PSD3: variants seen among roughly 807,000 people sequenced by gnomAD.
PSD3 encodes the protein pleckstrin and Sec7 domain containing 3.
PSD3 carries 49 observed loss-of-function variants against 105.5 expected under a neutral mutation model. The ratio of observed to expected loss-of-function variants is 0.46; its 90% confidence interval spans 0.37 to 0.59. The LOEUF is 0.59. Ranked by LOEUF, PSD3 falls within the 20% of genes least tolerant of loss-of-function variation. The pLI is 0.00. For synonymous variants in PSD3, 557 were observed against 457.8 expected, an observed-to-expected ratio of 1.22 and a Z score of -2.77; for missense variants, 1,561 against 1,263.8, an observed-to-expected ratio of 1.24 and a Z score of -3.57.
chr8:18,801,126 G>A (rs529021595), intron 7 of PSD3, 144 bp downstream of exon 7: 3 of 513,090 alleles, frequency 5.8e-6, no homozygotes, highest in Non-Finnish European at 1.0e-5. Flanking sequence ...ATATTAAATA[G>A]ACTAGAATGA....
At chr8:18,585,443 G>C (rs1327563797) in intron 12 of PSD3, among the ~76,000 whole-genome samples, 6 of 152,090 alleles carry the variant, frequency 3.9e-5, no homozygotes, top group Non-Finnish European at 8.8e-5. Context: ...TCAGCGTCCT[G>C]AGTAGCTAGG....
intron 9 of PSD3, among the ~76,000 whole-genome samples, chr8:18,715,903 A>C (rs990507514): frequency 2.0e-5 from 3 of 152,250 alleles, no homozygotes; most frequent in Admixed American, 1.3e-4. Flanking sequence ...CACAGCAGTA[A>C]AAATGCAAAG....
At chr8:18,686,309 T>A (rs1216796405) in intron 9 of PSD3, among the ~76,000 whole-genome samples, 1 of 152,198 alleles carries the variant, frequency 6.6e-6, no homozygotes, top group Non-Finnish European at 1.5e-5. Context: ...CAATCCCCAC[T>A]TTCCTGATGA....
At chr8:18,539,111 C>T (rs1563301378) in intron 15 of PSD3, among the ~76,000 whole-genome samples, 1 of 152,184 alleles carries the variant, frequency 6.6e-6, no homozygotes, top group South Asian at 2.1e-4. Context: ...CCAAATATAC[C>T]TCTTCAAAAC....
chr8:18,993,134 A>T (rs537112031), intron 1 of PSD3, among the ~76,000 whole-genome samples: 6 of 152,190 alleles, frequency 3.9e-5, no homozygotes, highest in Non-Finnish European at 8.8e-5. Flanking sequence ...AAAATCTTGT[A>T]AATGTCTTTT....
At chr8:18,665,324 T>C (rs1489972746) in intron 9 of PSD3, among the ~76,000 whole-genome samples, 1 of 152,200 alleles carries the variant, frequency 6.6e-6, no homozygotes, top group Non-Finnish European at 1.5e-5. Flanking sequence ...CCTCATGGAA[T>C]GACTTTGGGG....
Position 18,528,420 on chromosome 8 carries a change from C to T in PSD3, c.*7323G>A, listed in dbSNP as rs1436211944. ...TTCACTCAGAGAATCTTTGTCATGACGTTTGTTCATGTGCCACGCTCAGTG... is the reference window on the plus strand; with the variant it reads ...TTCACTCAGAGAATCTTTGTCATGATGTTTGTTCATGTGCCACGCTCAGTG... On this transcript the variant is annotated 3_prime_UTR_variant, in exon 16 of 16. Coordinates refer to ENST00000327040, the MANE Select transcript of PSD3 (RefSeq NM_015310.4). 2.6e-5 allele frequency: 4 copies of T among 152,166 alleles called. No individual in the cohort carries two copies. Among genetic ancestry groups the T allele is most frequent in the South Asian group, 2.1e-4 (1 of 4,836 alleles). The allele number at this position is 152,166 out of a possible 1,614,324, so 9.4% of individuals were successfully genotyped here. A position where few individuals can be genotyped will look rare whatever the true frequency, so the allele number is the denominator to read the frequency against.
chr8:18,666,563 A>T (rs939567076), intron 9 of PSD3, among the ~76,000 whole-genome samples: 4 of 152,246 alleles, frequency 2.6e-5, no homozygotes, highest in Non-Finnish European at 5.9e-5. Context: ...ATCAAAAAAC[A>T]AACTAAGAGT....
intron 4 of PSD3, among the ~76,000 whole-genome samples, chr8:18,829,968 T>A (rs1586158861): frequency 6.6e-6 from 1 of 152,100 alleles, no homozygotes; most frequent in South Asian, 2.1e-4. Flanking sequence ...ATAACTTTAT[T>A]TTATTTTATT....
chr8:18,837,727 C>G (rs1444859964), intron 4 of PSD3, among the ~76,000 whole-genome samples: 1 of 152,034 alleles, frequency 6.6e-6, no homozygotes, highest in Admixed American at 6.6e-5. Context: ...TCACTTGAGC[C>G]CAGGAGTTCC....
intron 9 of PSD3, among the ~76,000 whole-genome samples, chr8:18,763,566 G>A (rs1806721969): frequency 6.6e-6 from 1 of 151,684 alleles, no homozygotes; most frequent in African/African-American, 2.4e-5. Flanking sequence ...GAGAAAAAAA[G>A]ACACCAAAAG....
intron 1 of PSD3, among the ~76,000 whole-genome samples, chr8:18,946,172 T>C (rs1462127316): frequency 6.6e-6 from 1 of 152,184 alleles, no homozygotes; most frequent in Non-Finnish European, 1.5e-5. Context: ...TCCACTATAA[T>C]TAAAAATTTT....
intron 12 of PSD3, among the ~76,000 whole-genome samples, chr8:18,584,637 G>C (rs1803035422): frequency 6.6e-6 from 1 of 152,196 alleles, no homozygotes; most frequent in South Asian, 2.1e-4. Flanking sequence ...AGCTGGCTCA[G>C]GCAATCTGCC....
chr8:19,054,550 C>T (rs1449675810), intron 1 of PSD3, among the ~76,000 whole-genome samples: 1 of 152,126 alleles, frequency 6.6e-6, no homozygotes, highest in East Asian at 1.9e-4. Flanking sequence ...TTATTTTTAC[C>T]ATCTCCATTT....
At chr8:18,972,472 AC>A (rs1316703771) in intron 1 of PSD3, among the ~76,000 whole-genome samples, 2 of 152,172 alleles carry the variant, frequency 1.3e-5, no homozygotes, top group Non-Finnish European at 2.9e-5. Flanking sequence ...AAGGAATCCA[AC>A]CCCGGAACAA....
intron 1 of PSD3, among the ~76,000 whole-genome samples, chr8:19,023,594 A>C (rs1827437157): frequency 6.6e-6 from 1 of 151,300 alleles, no homozygotes; most frequent in Non-Finnish European, 1.5e-5. Flanking sequence ...ACCGCACCCC[A>C]CTGAATATTA....
chr8:18,587,976 G>A (rs1803320049), intron 12 of PSD3, among the ~76,000 whole-genome samples: 1 of 152,272 alleles, frequency 6.6e-6, no homozygotes, highest in African/African-American at 2.4e-5. Context: ...CCAGCAGTGG[G>A]ACATTAGTAA....
chr8:18,871,239 G>A (rs1817326809), intron 3 of PSD3, among the ~76,000 whole-genome samples: 1 of 152,130 alleles, frequency 6.6e-6, no homozygotes, highest in Non-Finnish European at 1.5e-5. Flanking sequence ...AGCTATATAG[G>A]GTGTGTCAAA....
intron 15 of PSD3, among the ~76,000 whole-genome samples, chr8:18,536,303 G>A (rs558895772): frequency 2.5e-4 from 38 of 152,270 alleles, no homozygotes; most frequent in African/African-American, 8.4e-4. Flanking sequence ...TCTGGTTTTC[G>A]GCGGCTGCAT....
Sources: allele counts gnomAD v4.1 joint callset (sites outside exome capture counted in the v4.1 genomes callset), GRCh38; gene constraint gnomAD v4.1.1; transcripts MANE v1.5; gene names NCBI Gene and HGNC (gene_info 2026-07-23, HGNC 2026-07-21).